Variants in GPC3 observed in about 807,000 individuals in gnomAD.
GPC3 encodes glypican 3, also known as glypican-3.
Under a neutral mutation model 34.4 loss-of-function variants are expected in GPC3, and 3 were observed. The ratio of observed to expected loss-of-function variants is 0.09; its 90% CI spans 0.04 to 0.23. GPC3 has a LOEUF of 0.23. Among genes scored for constraint, GPC3 ranks in the 10% least tolerant of loss-of-function variants. The pLI is 1.00. For missense variants in GPC3, 351 were observed against 445.6 expected (o/e 0.79, Z 1.91); for synonymous variants, 177 against 174.0 (o/e 1.02, Z -0.13).
At chrX:133,607,433 C>G (rs1169225877) in intron 6 of GPC3, among the ~76,000 whole-genome samples, 1 of 108,965 alleles carries the variant, frequency 9.2e-6, no homozygotes, top group African/African-American at 3.4e-5. Flanking sequence ...TTTTTTTTTT[C>G]TTTCTTTCTT....
At chrX:133,735,449 A>C (rs985415643) in intron 3 of GPC3, among the ~76,000 whole-genome samples, 1 of 111,720 alleles carries the variant, frequency 9.0e-6, no homozygotes, top group Non-Finnish European at 1.9e-5. Context: ...TACCATATAC[A>C]AAAATTAGCT....
intron 2 of GPC3, among the ~76,000 whole-genome samples, chrX:133,906,845 G>A (rs945997394): frequency 1.8e-5 from 2 of 112,180 alleles, no homozygotes; most frequent in East Asian, 5.6e-4. Flanking sequence ...TTGGGAGGCC[G>A]AGGCGGGCAG....
chrX:133,536,627 A>C (rs1242315320), intron 7 of GPC3, among the ~76,000 whole-genome samples: 1 of 110,471 alleles, frequency 9.1e-6, no homozygotes, highest in Non-Finnish European at 1.9e-5. Context: ...ATCTCCTCCC[A>C]GGCAAGGTTT....
In GPC3 at chrX:133,551,603, G is replaced by A. The variant is rs149605685; in HGVS notation, c.1574-15310C>T. On this transcript the variant is annotated intron_variant, in intron 7 of 7. Transcript: ENST00000370818. ...TCCACAGCTGTAGGCAAAGGGCAAC[G>A]TTGGAATCCTCTGATAGGTTTTGAA... 5.8e-3 allele frequency among the ~76,000 whole-genome samples: 643 copies of A among 111,793 alleles called. 5 individuals carry two copies. The highest frequency in any genetic ancestry group is 9.7e-3 in the Non-Finnish European group (515 of 53,166).
intron 2 of GPC3, among the ~76,000 whole-genome samples, chrX:133,828,935 AT>A (rs2075762818): frequency 8.9e-6 from 1 of 112,140 alleles, no homozygotes; most frequent in Non-Finnish European, 1.9e-5. Flanking sequence ...ATATTGAAAC[AT>A]TATGTTGTAT....
chrX:133,863,779 C>T (rs933145618), intron 2 of GPC3, among the ~76,000 whole-genome samples: 4 of 102,636 alleles, frequency 3.9e-5, no homozygotes, highest in Non-Finnish European at 7.9e-5. Context: ...CCTCAGCCTC[C>T]CGAGTAGCTG....
At chrX:133,664,477 A>G (rs1238627072) in intron 5 of GPC3, among the ~76,000 whole-genome samples, 1 of 111,180 alleles carries the variant, frequency 9.0e-6, no homozygotes, top group Non-Finnish European at 1.9e-5. Context: ...TGCGGCTTTA[A>G]AAAGCTGGAC....
At chrX:133,779,425 T>C (rs1002951472) in intron 2 of GPC3, among the ~76,000 whole-genome samples, 2 of 112,127 alleles carry the variant, frequency 1.8e-5, no homozygotes, top group Admixed American at 1.9e-4. Context: ...ATGCTAGTTG[T>C]GTGACCTTGG....
At chrX:133,807,049 A>C (rs1433802015) in intron 2 of GPC3, among the ~76,000 whole-genome samples, 1 of 111,804 alleles carries the variant, frequency 8.9e-6, no homozygotes, top group Non-Finnish European at 1.9e-5. Flanking sequence ...GATCATCAAG[A>C]CCAGGTGATA....
intron 6 of GPC3, among the ~76,000 whole-genome samples, chrX:133,642,385 A>T (rs1010939589): frequency 3.6e-5 from 4 of 112,065 alleles, no homozygotes; most frequent in Non-Finnish European, 7.5e-5. Flanking sequence ...TAAAACAATG[A>T]AGAATGGAGA....
intron 1 of GPC3, among the ~76,000 whole-genome samples, chrX:133,980,735 T>C (rs2124652447): frequency 8.9e-6 from 1 of 112,503 alleles, no homozygotes; most frequent in East Asian, 2.8e-4. Flanking sequence ...CCCATGCTTT[T>C]GTATATGCAT....
intron 2 of GPC3, among the ~76,000 whole-genome samples, chrX:133,939,119 T>C (rs2076334271): frequency 9.0e-6 from 1 of 111,658 alleles, no homozygotes; most frequent in African/African-American, 3.3e-5. Flanking sequence ...CTAGATTGCC[T>C]CTCTCATGTA....
At chrX:133,748,204 T>C (rs1043812643) in intron 3 of GPC3, among the ~76,000 whole-genome samples, 2 of 112,235 alleles carry the variant, frequency 1.8e-5, no homozygotes, top group African/African-American at 3.2e-5. Context: ...CATAGGTATA[T>C]GGTAACAGCA....
chrX:133,804,438 GCT>G (rs1363209404), intron 2 of GPC3, among the ~76,000 whole-genome samples: 4 of 109,891 alleles, frequency 3.6e-5, no homozygotes, highest in Non-Finnish European at 7.6e-5. Context: ...TATCATCTCT[GCT>G]CTCTTCGGAA....
chrX:133,645,601 GT>G (rs201850587), intron 6 of GPC3, among the ~76,000 whole-genome samples: 42 of 109,267 alleles, frequency 3.8e-4, no homozygotes, highest in Non-Finnish European at 6.5e-4. Context: ...ATTATGGACT[GT>G]TTTTTTTTCA....
intron 6 of GPC3, among the ~76,000 whole-genome samples, chrX:133,636,075 A>G (rs2070420452): frequency 9.0e-6 from 1 of 111,587 alleles, no homozygotes; most frequent in Non-Finnish European, 1.9e-5. Flanking sequence ...AATTATTCCG[A>G]ACAGTGTTTA....
At chrX:133,850,332 G>A (rs1292993807) in intron 2 of GPC3, among the ~76,000 whole-genome samples, 1 of 109,762 alleles carries the variant, frequency 9.1e-6, no homozygotes, top group Non-Finnish European at 1.9e-5. Flanking sequence ...ACAGTCACTG[G>A]TAAAATGTTT....
chrX:133,887,661 G>A (rs1286347302), intron 2 of GPC3, among the ~76,000 whole-genome samples: 2 of 111,514 alleles, frequency 1.8e-5, no homozygotes, highest in Non-Finnish European at 3.8e-5. Flanking sequence ...TCATTGCCAG[G>A]GCCTGATTTT....
intron 1 of GPC3, among the ~76,000 whole-genome samples, chrX:133,964,014 C>G (rs2076452469): frequency 9.0e-6 from 1 of 110,968 alleles, no homozygotes; most frequent in Non-Finnish European, 1.9e-5. Context: ...GTTCCTTTCT[C>G]TCTGTTTCCA....
Sources: gnomAD v4.1 joint callset for allele counts (sites outside exome capture counted in the v4.1 genomes callset) on GRCh38, gnomAD v4.1.1 for gene constraint, MANE v1.5 for transcripts, NCBI Gene and HGNC (gene_info 2026-07-23, HGNC 2026-07-21) for gene names.